The following KCND2 variants were observed in gnomAD, a reference collection of about 807,000 sequenced individuals.
KCND2 encodes A-type voltage-gated potassium channel KCND2.
Under a neutral mutation model 54.4 loss-of-function variants are expected in KCND2, and 16 were observed. That is an observed-to-expected ratio of 0.29 (90% CI 0.20 to 0.45). The LOEUF is 0.45. Among genes scored for constraint, KCND2 ranks in the 20% least tolerant of loss-of-function variants. The pLI is 1.00. For missense variants in KCND2, 486 were observed against 824.2 expected, an observed-to-expected ratio of 0.59 and a Z score of 5.02; for synonymous variants, 317 against 310.7, an observed-to-expected ratio of 1.02 and a Z score of -0.21.
chr7:120,636,650 G>T (rs1225738885), intron 1 of KCND2, among the ~76,000 whole-genome samples: 1 of 152,036 alleles, frequency 6.6e-6, no homozygotes, highest in Non-Finnish European at 1.5e-5. Flanking sequence ...CCACATATTT[G>T]CTTTGCCTAT....
At chr7:120,523,733 TG>T (rs1791732585) in intron 1 of KCND2, among the ~76,000 whole-genome samples, 2 of 147,506 alleles carry the variant, frequency 1.4e-5, no homozygotes, top group African/African-American at 5.0e-5. Context: ...TGTGTGTGTG[TG>T]TGTGTGTGTG....
chr7:120,595,178 T>A (rs1472676421), intron 1 of KCND2, among the ~76,000 whole-genome samples: 1 of 151,854 alleles, frequency 6.6e-6, no homozygotes, highest in Non-Finnish European at 1.5e-5. Context: ...AGGCCGGGTG[T>A]GGTGGCTCAT....
chr7:120,693,671 AC>A (rs1215510997), intron 1 of KCND2, among the ~76,000 whole-genome samples: 1 of 152,064 alleles, frequency 6.6e-6, no homozygotes, highest in Non-Finnish European at 1.5e-5. Flanking sequence ...TATATGCACC[AC>A]CCCAATTAAT....
intron 1 of KCND2, among the ~76,000 whole-genome samples, chr7:120,380,967 A>G (rs1373627899): frequency 6.6e-6 from 1 of 152,104 alleles, no homozygotes; most frequent in Admixed American, 6.6e-5. Flanking sequence ...TTTCAAAACC[A>G]GCAAAGATTT....
intron 1 of KCND2, among the ~76,000 whole-genome samples, chr7:120,678,134 AC>A (rs1792089532): frequency 6.6e-6 from 1 of 151,834 alleles, no homozygotes; most frequent in Admixed American, 6.6e-5. Context: ...TCACTGTGTT[AC>A]ATTTAAACAT....
intron 1 of KCND2, among the ~76,000 whole-genome samples, chr7:120,336,529 G>T (rs549132093): frequency 6.6e-6 from 1 of 152,188 alleles, no homozygotes; most frequent in African/African-American, 2.4e-5. Context: ...TTAGTATAGG[G>T]ATGTAGATAG....
At chr7:120,665,211 G>A (rs529208310) in intron 1 of KCND2, among the ~76,000 whole-genome samples, 2 of 152,080 alleles carry the variant, frequency 1.3e-5, no homozygotes, top group East Asian at 1.9e-4. Context: ...GTGTATCATC[G>A]TAATAAAACC....
chr7:120,503,915 C>G (rs1046141137), intron 1 of KCND2, among the ~76,000 whole-genome samples: 3 of 151,876 alleles, frequency 2.0e-5, no homozygotes, highest in African/African-American at 7.2e-5. Flanking sequence ...ACCGCAAATC[C>G]GCCTCTGCAT....
chr7:120,307,277 T>C (rs1369128891), intron 1 of KCND2, among the ~76,000 whole-genome samples: 1 of 152,062 alleles, frequency 6.6e-6, no homozygotes, highest in Non-Finnish European at 1.5e-5. Context: ...AGTATTTATT[T>C]ATTTTTTCAG....
At chr7:120,364,249 G>C (rs182478248) in intron 1 of KCND2, among the ~76,000 whole-genome samples, 2 of 152,206 alleles carry the variant, frequency 1.3e-5, no homozygotes, top group African/African-American at 4.8e-5. Context: ...CAAGTTCTCT[G>C]GGGGGAACCC....
At chr7:120,373,861 C>G (rs1462900923) in intron 1 of KCND2, among the ~76,000 whole-genome samples, 1 of 151,716 alleles carries the variant, frequency 6.6e-6, no homozygotes, top group African/African-American at 2.4e-5. Context: ...AATTACACAG[C>G]TTTGAAGTTT....
chr7:120,630,851 T>C (rs939286770), intron 1 of KCND2, among the ~76,000 whole-genome samples: 2 of 152,200 alleles, frequency 1.3e-5, no homozygotes, highest in African/African-American at 4.8e-5. Context: ...AGAAGCAGAC[T>C]ACAACAGTAT....
rs777452130 is a variant in KCND2, at chr7:120,733,959, A to G, written c.1278+894A>G. ...CCTAATGTTTTTCACAAAAGAATTC[A>G]TATGTTAAAAGACAAACCTTAGCCA... On this transcript the variant is annotated intron_variant, in intron 2 of 5. Transcript: ENST00000331113. 5.9e-5 allele frequency among the ~76,000 whole-genome samples: 9 copies of G among 152,236 alleles called. No individual in the cohort carries two copies. The East Asian group carries it at 7.7e-4, about 13-fold the overall frequency.
intron 1 of KCND2, among the ~76,000 whole-genome samples, chr7:120,575,286 A>G (rs1444704490): frequency 6.6e-6 from 1 of 152,192 alleles, no homozygotes; most frequent in Non-Finnish European, 1.5e-5. Context: ...TCAAAAGCCT[A>G]AGAGCCCCTG....
intron 1 of KCND2, among the ~76,000 whole-genome samples, chr7:120,620,713 C>G (rs1793087141): frequency 6.6e-6 from 1 of 152,108 alleles, no homozygotes; most frequent in Non-Finnish European, 1.5e-5. Context: ...CAAGTAAAGA[C>G]CATGGTATAC....
At chr7:120,574,383 A>G (rs1792401021) in intron 1 of KCND2, among the ~76,000 whole-genome samples, 1 of 152,204 alleles carries the variant, frequency 6.6e-6, no homozygotes, top group Non-Finnish European at 1.5e-5. Context: ...TTCCAATGGC[A>G]ATACTTGACA....
intron 1 of KCND2, among the ~76,000 whole-genome samples, chr7:120,427,655 G>A (rs1801730412): frequency 1.3e-5 from 2 of 152,072 alleles, no homozygotes; most frequent in South Asian, 2.1e-4. Context: ...ATGAGAAAAT[G>A]TTTATCCATA....
At chr7:120,387,830 A>G (rs768600737) in intron 1 of KCND2, among the ~76,000 whole-genome samples, 1 of 152,016 alleles carries the variant, frequency 6.6e-6, no homozygotes, top group Non-Finnish European at 1.5e-5. Context: ...GCGATAATAC[A>G]TTAGTATTTT....
chr7:120,314,406 C>T (rs1364172373), intron 1 of KCND2, among the ~76,000 whole-genome samples: 3 of 151,006 alleles, frequency 2.0e-5, no homozygotes, highest in African/African-American at 7.3e-5. Flanking sequence ...TCTTTTTTTC[C>T]CTAACTCTAG....
Sources: allele counts gnomAD v4.1 joint callset (sites outside exome capture counted in the v4.1 genomes callset), GRCh38; gene constraint gnomAD v4.1.1; transcripts MANE v1.5; gene names NCBI Gene and HGNC (gene_info 2026-07-23, HGNC 2026-07-21).